TMC7: variants seen among roughly 807,000 people sequenced by gnomAD.
TMC7 encodes transmembrane channel like 7.
A neutral mutation model predicts 82.9 loss-of-function variants in TMC7; 54 were observed. The ratio of observed to expected loss-of-function variants is 0.65; its 90% CI spans 0.52 to 0.82. The LOEUF (loss-of-function observed/expected upper bound fraction) is 0.82. Ranked by LOEUF, TMC7 falls within the 40% of genes least tolerant of loss-of-function variation. The pLI is 0.00. For missense variants in TMC7, 820 were observed against 901.2 expected, an observed-to-expected ratio of 0.91 and a Z score of 1.15; for synonymous variants, 350 against 337.9, an observed-to-expected ratio of 1.04 and a Z score of -0.39.
chr16:19,052,111 T>C (rs1961566703), intron 13 of TMC7, among the ~76,000 whole-genome samples: 1 of 152,122 alleles, frequency 6.6e-6, no homozygotes, highest in Non-Finnish European at 1.5e-5. Context: ...TTATATTTAT[T>C]AGTAGTGACA....
chr16:19,054,997 C>T (rs1961706920), intron 13 of TMC7, among the ~76,000 whole-genome samples: 1 of 152,068 alleles, frequency 6.6e-6, no homozygotes, highest in South Asian at 2.1e-4. Context: ...ATCCATCTGC[C>T]TCGGCCTCCC....
intron 1 of TMC7, among the ~76,000 whole-genome samples, chr16:18,997,293 G>C (rs2039059759): frequency 6.6e-6 from 1 of 152,218 alleles, no homozygotes; most frequent in African/African-American, 2.4e-5. Flanking sequence ...TGGGCTCAGA[G>C]GCCTGACACT....
rs142673974 is a variant in TMC7, at chr16:19,047,803, C to G, written c.1740+554C>G. On this transcript the variant is annotated intron_variant, in intron 12 of 15. Transcript: ENST00000304381. ...TCTCGGCTCACTGCAACCTCTGCCC[C>G]CCCAGGTTCGAGCGATTCTCCTGCC... Among the ~76,000 whole-genome samples the G allele has an allele frequency of 4.1e-3, 620 of 151,758 alleles. 1 individual carries two copies. Among genetic ancestry groups the G allele is most frequent in the Middle Eastern group, 0.014 (4 of 290 alleles).
chr16:19,026,646 C>T (rs141926289), intron 5 of TMC7, among the ~76,000 whole-genome samples: 108 of 152,234 alleles, frequency 7.1e-4, no homozygotes, highest in Middle Eastern at 3.4e-3. Flanking sequence ...GAGTTAGCTG[C>T]GCTTAATTAT....
intron 11 of TMC7, among the ~76,000 whole-genome samples, 159 bp from the exon 12 acceptor site, chr16:19,046,904 A>G (rs1223669896): frequency 2.6e-5 from 4 of 151,760 alleles, no homozygotes; most frequent in African/African-American, 4.8e-5. Flanking sequence ...TTGGAACCTG[A>G]TCTTAATGAT....
At chr16:19,050,913 G>T (rs982855000) in intron 12 of TMC7, among the ~76,000 whole-genome samples, 1 of 151,808 alleles carries the variant, frequency 6.6e-6, no homozygotes, top group East Asian at 1.9e-4. Flanking sequence ...TTGAGACAGG[G>T]TCTCTCTCTG....
chr16:19,056,338 G>A (rs62025553), intron 13 of TMC7, among the ~76,000 whole-genome samples: 80,086 of 151,788 alleles, frequency 0.53, 22,336 homozygotes, highest in East Asian at 0.76. Context: ...CACCCGCCTC[G>A]GCCTCCCAAA....
intron 6 of TMC7, 61 bp from the exon 7 acceptor site, chr16:19,035,615 A>G (rs758774932): frequency 1.9e-6 from 3 of 1,608,370 alleles, no homozygotes; most frequent in Non-Finnish European, 1.7e-6. Flanking sequence ...GACACAGCCA[A>G]TTCAGGGGAC....
At chr16:19,012,868 T>C (rs2142183219) in intron 2 of TMC7, among the ~76,000 whole-genome samples, 1 of 151,660 alleles carries the variant, frequency 6.6e-6, no homozygotes, top group Admixed American at 6.6e-5. Context: ...CATTCTTTTT[T>C]TTTTGAGACG....
intron 3 of TMC7, 68 bp downstream of exon 3, chr16:19,016,666 C>T (rs746232935): frequency 1.6e-5 from 25 of 1,524,740 alleles, no homozygotes; most frequent in South Asian, 3.7e-5. Flanking sequence ...AGTACAGCTT[C>T]GTTTCCACTA....
chr16:19,009,335 G>A lies in TMC7; in HGVS notation c.231G>A (p.Leu77=). The change falls in exon 2 of 16, where the codon CTG becomes CTA. Residue 77 remains leucine, a synonymous_variant. Coordinates refer to ENST00000304381, the MANE Select transcript of TMC7 (RefSeq NM_024847.4). ...CAACCGACTCTTACAGCTCCCAGCT[G>A]GAGGACAGAATCGCTGAAAACCTCA... ...LKPTDSYSSQ[L]EDRIAENLSS... The A allele has an allele frequency of 6.2e-7, 1 of 1,614,146 alleles. No individual in the cohort carries two copies. The highest frequency in any genetic ancestry group is 1.3e-5 in the African/African-American group (1 of 75,016).
chr16:19,015,463 T>C (rs1179874906), intron 2 of TMC7, among the ~76,000 whole-genome samples: 1 of 152,120 alleles, frequency 6.6e-6, no homozygotes, highest in African/African-American at 2.4e-5. Context: ...TATCCTATTG[T>C]GTGGATAGAC....
intron 1 of TMC7, among the ~76,000 whole-genome samples, chr16:18,998,815 TATG>T (rs1167984153): frequency 2.0e-4 from 30 of 151,988 alleles, no homozygotes; most frequent in African/African-American, 7.2e-4. Flanking sequence ...CAGCAGCTCT[TATG>T]ATGGAGTTAG....
chr16:19,043,105 A>G (rs1464817338), intron 9 of TMC7, among the ~76,000 whole-genome samples: 1 of 151,760 alleles, frequency 6.6e-6, no homozygotes, highest in Non-Finnish European at 1.5e-5. Context: ...AAAAAAAAAC[A>G]AGAACAAAAA....
intron 3 of TMC7, among the ~76,000 whole-genome samples, chr16:19,018,466 A>T (rs1201209728): frequency 1.3e-5 from 2 of 152,100 alleles, no homozygotes; most frequent in East Asian, 3.9e-4. Context: ...CTCTTTTTAT[A>T]AGGACACTAA....
At chr16:19,035,592 T>C in intron 6 of TMC7, 84 bp from the exon 7 acceptor site, 5 of 1,566,462 alleles carry the variant, frequency 3.2e-6, no homozygotes, top group Non-Finnish European at 4.4e-6. Flanking sequence ...TATGTCTAAC[T>C]TTTTAAGTTT....
At chr16:19,009,838 G>A (rs1328149070) in intron 2 of TMC7, among the ~76,000 whole-genome samples, 5 of 151,130 alleles carry the variant, frequency 3.3e-5, no homozygotes, top group African/African-American at 9.7e-5. Flanking sequence ...CTACTCTGGA[G>A]GCTGAGGCAG....
intron 1 of TMC7, among the ~76,000 whole-genome samples, chr16:19,005,924 C>G (rs1329429913): frequency 6.6e-6 from 1 of 152,154 alleles, no homozygotes; most frequent in Non-Finnish European, 1.5e-5. Flanking sequence ...AGGGCCCCAG[C>G]CACGTGTCCA....
At chr16:19,023,738 T>C (rs1262766519) in intron 5 of TMC7, among the ~76,000 whole-genome samples, 4 of 152,182 alleles carry the variant, frequency 2.6e-5, no homozygotes, top group African/African-American at 9.6e-5. Context: ...TGAGCCACCA[T>C]ACCGGCCTCT....
Sources: allele counts gnomAD v4.1 joint callset (sites outside exome capture counted in the v4.1 genomes callset), GRCh38; gene constraint gnomAD v4.1.1; transcripts MANE v1.5; gene names NCBI Gene and HGNC (gene_info 2026-07-23, HGNC 2026-07-21).